Variants in FBXL13 observed in about 807,000 individuals in gnomAD.
FBXL13 encodes the protein F-box and leucine rich repeat protein 13, also known as F-box and leucine-rich repeat protein 13.
In FBXL13, 67 loss-of-function variants were observed where a neutral mutation model predicts 83.6. The observed-to-expected ratio is 0.80, with a 90% CI of 0.66 to 0.98. The LOEUF is 0.98. Ranked by LOEUF, FBXL13 falls within the 50% of genes least tolerant of loss-of-function variation. The pLI is 0.00. For missense variants in FBXL13, 822 were observed against 866.5 expected, an observed-to-expected ratio of 0.95 and a Z score of 0.64; for synonymous variants, 272 against 299.5, an observed-to-expected ratio of 0.91 and a Z score of 0.95.
chr7:102,995,478 CAAAAAAAAAA>C (rs1158263069), intron 6 of FBXL13, among the ~76,000 whole-genome samples: 61 of 28,598 alleles, frequency 2.1e-3, no homozygotes, highest in African/African-American at 9.6e-3. Flanking sequence ...GACTCCATCT[CAAAAAAAAAA>C]AAAAAAAAAA....
rs1828019921 is a variant in FBXL13 at position 102,980,216 on chromosome 7, A to G, written c.496-12099T>C. Among the ~76,000 whole-genome samples, 4 of 152,256 alleles carry G rather than the reference A, an allele frequency of 2.6e-5. No homozygotes were observed. The South Asian group carries it at 8.3e-4, about 32-fold the overall frequency. ...CTCACATTTCCTGATTTGAAAACTT[A>G]CTACAAAGATATAGTAATCAAAATA... On this transcript the variant is annotated intron_variant, in intron 6 of 19. Transcript: ENST00000313221.
intron 6 of FBXL13, among the ~76,000 whole-genome samples, chr7:102,990,013 G>A (rs1048543872): frequency 1.3e-5 from 2 of 152,126 alleles, no homozygotes; most frequent in Non-Finnish European, 2.9e-5. Flanking sequence ...TGACTCTCCC[G>A]ACATTACTGC....
intron 16 of FBXL13, among the ~76,000 whole-genome samples, chr7:102,855,926 A>G (rs1805987070): frequency 6.6e-6 from 1 of 151,872 alleles, no homozygotes; most frequent in Non-Finnish European, 1.5e-5. Context: ...TATTAATAAA[A>G]ATGTTTTATT....
chr7:102,853,632 GCT>G (rs1805593635), intron 17 of FBXL13, among the ~76,000 whole-genome samples: 1 of 152,000 alleles, frequency 6.6e-6, no homozygotes, highest in African/African-American at 2.4e-5. Context: ...CTGACAAAGG[GCT>G]AATATCCAGA....
At chr7:102,894,925 G>T (rs977131129) in intron 11 of FBXL13, among the ~76,000 whole-genome samples, 16 of 152,120 alleles carry the variant, frequency 1.1e-4, no homozygotes, top group African/African-American at 3.4e-4. Flanking sequence ...TCCACCTGAA[G>T]CACCTGGGGA....
At chr7:103,059,164 C>A (rs1563284987) in intron 1 of FBXL13, among the ~76,000 whole-genome samples, 1 of 151,932 alleles carries the variant, frequency 6.6e-6, no homozygotes, top group Non-Finnish European at 1.5e-5. Context: ...TAGCTACTTG[C>A]TAGGTGGGAG....
At chr7:103,072,708 T>C (rs942137882) in intron 1 of FBXL13, among the ~76,000 whole-genome samples, 3 of 152,202 alleles carry the variant, frequency 2.0e-5, no homozygotes, top group African/African-American at 7.2e-5. Flanking sequence ...CCACCTCCTG[T>C]GTTTCCAGCT....
chr7:102,968,213 GCA>G (rs201405817), intron 6 of FBXL13, 96 bp from the exon 8 acceptor site: 26 of 719,660 alleles, frequency 3.6e-5, no homozygotes, highest in Non-Finnish European at 5.7e-5. Context: ...ACATGTGCGT[GCA>G]CACACACACG....
chr7:102,895,719 G>C (rs1456362169), intron 11 of FBXL13, among the ~76,000 whole-genome samples: 1 of 152,150 alleles, frequency 6.6e-6, no homozygotes, highest in African/African-American at 2.4e-5. Flanking sequence ...ACAGAGCAGA[G>C]GATAAAGGGA....
chr7:103,055,702 T>C, exon 2 of FBXL13: 1 of 1,286,228 alleles, frequency 7.8e-7, no homozygotes, highest in Non-Finnish European at 1.0e-6. Context: ...TCTAAATACC[T>C]CAGCGGATCC....
intron 1 of FBXL13, among the ~76,000 whole-genome samples, chr7:103,064,920 G>GTCCTCT (rs1335532679): frequency 6.6e-6 from 1 of 152,140 alleles, no homozygotes; most frequent in Non-Finnish European, 1.5e-5. Context: ...CCAGCCAACA[G>GTCCTCT]CCAGCACCAA....
intron 19 of FBXL13, among the ~76,000 whole-genome samples, chr7:102,820,381 T>A (rs1277328438): frequency 6.6e-6 from 1 of 152,384 alleles, no homozygotes; most frequent in South Asian, 2.1e-4. Context: ...TTTTCACAGC[T>A]ATAGCTGGTT....
chr7:102,880,475 G>T (rs909081161), intron 14 of FBXL13, among the ~76,000 whole-genome samples: 4 of 151,874 alleles, frequency 2.6e-5, no homozygotes, highest in African/African-American at 9.7e-5. Context: ...TACATCATTT[G>T]TTTCTAAAAG....
rs537964791 is a variant in FBXL13 at position 102,915,368 on chromosome 7, T to C, written c.879-2153A>G. On this transcript the variant is annotated intron_variant, in intron 10 of 19. Transcript: ENST00000313221. The stretch of plus-strand genomic sequence containing the variant: ...TTATTGCTACTACTATGTGAAATGA[T>C]AGTAACACATTAACTATTTTTATGG... 7.2e-5 allele frequency among the ~76,000 whole-genome samples: 11 copies of C among 152,294 alleles called. No individual in the cohort carries two copies. In the South Asian group the frequency reaches 2.3e-3, roughly 32 times the overall value.
At chr7:103,011,552 C>T (rs1319088955) in intron 6 of FBXL13, among the ~76,000 whole-genome samples, 3 of 151,352 alleles carry the variant, frequency 2.0e-5, no homozygotes, top group African/African-American at 4.9e-5. Context: ...GCTGGAGAAT[C>T]GCTTGAACCC....
chr7:102,811,617 G>C (rs995199849), downstream of FBXL13, among the ~76,000 whole-genome samples: 2 of 152,198 alleles, frequency 1.3e-5, no homozygotes, highest in Admixed American at 1.3e-4. Flanking sequence ...GTTTCTTACC[G>C]GGGTCTAACC....
chr7:103,074,609 G>A, upstream of FBXL13: 4 of 1,255,362 alleles, frequency 3.2e-6, no homozygotes, highest in Non-Finnish European at 4.2e-6. Context: ...CCGAAACCTA[G>A]TCCCTCCTCC....
chr7:103,041,910 CACAAG>C (rs2129492644), intron 2 of FBXL13, among the ~76,000 whole-genome samples: 1 of 152,276 alleles, frequency 6.6e-6, no homozygotes, highest in East Asian at 1.9e-4. Flanking sequence ...TGAAAACTGG[CACAAG>C]ACAAGGATGC....
At chr7:102,886,174 C>T (rs538923037) in intron 11 of FBXL13, among the ~76,000 whole-genome samples, 2 of 152,278 alleles carry the variant, frequency 1.3e-5, no homozygotes, top group South Asian at 4.2e-4. Flanking sequence ...ATTTAGACTG[C>T]ATTTCCTGTA....
Sources: gnomAD v4.1 joint callset for allele counts (sites outside exome capture counted in the v4.1 genomes callset) on GRCh38, gnomAD v4.1.1 for gene constraint, MANE v1.5 for transcripts, NCBI Gene and HGNC (gene_info 2026-07-23, HGNC 2026-07-21) for gene names.